The following GRIA3 variants were observed in gnomAD, a reference collection of about 807,000 sequenced individuals.
GRIA3 encodes the protein glutamate receptor 3.
Under a neutral mutation model 63.0 loss-of-function variants are expected in GRIA3, and 3 were observed. That is an observed-to-expected ratio of 0.05 (90% CI 0.02 to 0.12). The LOEUF is 0.12. Ranked by LOEUF, GRIA3 falls within the 10% of genes least tolerant of loss-of-function variation. The pLI is 1.00. For synonymous variants in GRIA3, 274 were observed against 257.9 expected (o/e 1.06, Z -0.60); for missense variants, 347 against 700.9 (o/e 0.50, Z 5.70).
At chrX:123,413,733 G>A (rs1459033553) in intron 10 of GRIA3, among the ~76,000 whole-genome samples, 2 of 110,272 alleles carry the variant, frequency 1.8e-5, no homozygotes, top group East Asian at 5.7e-4. Context: ...ACGATGAGAT[G>A]AGAGTTGAAA....
At chrX:123,448,334 T>C (rs751098562) in intron 12 of GRIA3, among the ~76,000 whole-genome samples, 1 of 111,927 alleles carries the variant, frequency 8.9e-6, no homozygotes, top group Non-Finnish European at 1.9e-5. Flanking sequence ...CAGAGCTACA[T>C]ACTAGCTCTG....
intron 2 of GRIA3, among the ~76,000 whole-genome samples, chrX:123,196,055 C>G (rs1343387925): frequency 9.0e-6 from 1 of 111,166 alleles, no homozygotes. Flanking sequence ...AGAGGTACAT[C>G]ACCATTGGTG....
chrX:123,402,955 C>T lies in GRIA3; in HGVS notation c.1081-39C>T, dbSNP rs1181001642. 6 of 729,544 alleles carry T rather than the reference C, an allele frequency of 8.2e-6. No individual in the cohort carries two copies. In the African/African-American group the frequency reaches 1.0e-4, roughly 13 times the overall value. The allele number at this position is 729,544 out of a possible 1,213,427, so 60.1% of individuals were successfully genotyped here. A position where few individuals can be genotyped will look rare whatever the true frequency, so the allele number is the denominator to read the frequency against. On this transcript the variant is annotated intron_variant, in intron 7 of 15. Coordinates refer to ENST00000620443, the MANE Select transcript of GRIA3 (RefSeq NM_007325.5). ...CCAGAGACTTAGAAGGCAATAATGC[C>T]GTGCTATTTTTAAATTTTAAATTTT...
chrX:123,287,182 G>C (rs900547924), intron 3 of GRIA3, among the ~76,000 whole-genome samples: 30 of 111,559 alleles, frequency 2.7e-4, no homozygotes, highest in African/African-American at 9.5e-4. Context: ...TATCTCAATA[G>C]ATGCAGAAAA....
At chrX:123,433,664 C>T (rs1451160772) in intron 12 of GRIA3, among the ~76,000 whole-genome samples, 1 of 111,676 alleles carries the variant, frequency 9.0e-6, no homozygotes, top group Non-Finnish European at 1.9e-5. Context: ...AAATGTTTAA[C>T]ATTAATTTAA....
At chrX:123,374,749 T>G (rs763868099) in intron 5 of GRIA3, among the ~76,000 whole-genome samples, 30 of 111,942 alleles carry the variant, frequency 2.7e-4, no homozygotes, top group Middle Eastern at 4.7e-3. Flanking sequence ...AAGGAGATTT[T>G]GGGCTGAGAT....
chrX:123,383,219 A>C (rs2147370686), intron 5 of GRIA3, among the ~76,000 whole-genome samples: 1 of 112,474 alleles, frequency 8.9e-6, no homozygotes, highest in African/African-American at 3.2e-5. Flanking sequence ...TAGAATTGTA[A>C]TGATCAAATC....
At chrX:123,268,306 C>A (rs1462925509) in intron 3 of GRIA3, among the ~76,000 whole-genome samples, 1 of 110,628 alleles carries the variant, frequency 9.0e-6, no homozygotes, top group Non-Finnish European at 1.9e-5. Context: ...TTGGTCCAGT[C>A]TCTTTTTCTC....
chrX:123,480,627 A>T (rs969390585), intron 14 of GRIA3, among the ~76,000 whole-genome samples: 8 of 112,052 alleles, frequency 7.1e-5, no homozygotes, highest in Admixed American at 6.6e-4. Flanking sequence ...TATTATGTCA[A>T]TCCCATCTGA....
chrX:123,371,253 A>AT (rs371630393), intron 5 of GRIA3, among the ~76,000 whole-genome samples: 18 of 110,221 alleles, frequency 1.6e-4, no homozygotes, highest in African/African-American at 5.6e-4. Context: ...CATTGTATAT[A>AT]TTTATCACAT....
At chrX:123,241,095 T>C (rs2044327112) in intron 2 of GRIA3, among the ~76,000 whole-genome samples, 2 of 111,728 alleles carry the variant, frequency 1.8e-5, no homozygotes, top group African/African-American at 3.3e-5. Context: ...GGGTGAAGAA[T>C]AAAGTAGCAT....
At chrX:123,359,348 G>A (rs2147352803) in intron 5 of GRIA3, among the ~76,000 whole-genome samples, 1 of 111,116 alleles carries the variant, frequency 9.0e-6, no homozygotes, top group Non-Finnish European at 1.9e-5. Flanking sequence ...CACCTCTATG[G>A]CAAAAAATTG....
chrX:123,204,549 A>T (rs773749582), intron 2 of GRIA3: 8 of 1,158,800 alleles, frequency 6.9e-6, no homozygotes, highest in Non-Finnish European at 9.2e-6. Context: ...TGCAGGTTGA[A>T]CCCAAACCCA....
At chrX:123,216,105 A>G (rs1345529452) in intron 2 of GRIA3, among the ~76,000 whole-genome samples, 1 of 112,202 alleles carries the variant, frequency 8.9e-6, no homozygotes, top group Non-Finnish European at 1.9e-5. Context: ...TGCTCATATC[A>G]TTCTCTTCTC....
At chrX:123,391,722 C>CA (rs1462564247) in intron 5 of GRIA3, among the ~76,000 whole-genome samples, 3 of 111,845 alleles carry the variant, frequency 2.7e-5, no homozygotes, top group African/African-American at 9.8e-5. Flanking sequence ...ATAGCATAGG[C>CA]AATGGTTGTA....
chrX:123,260,800 G>T (rs2044455701), intron 3 of GRIA3, among the ~76,000 whole-genome samples: 1 of 110,114 alleles, frequency 9.1e-6, no homozygotes, highest in Admixed American at 9.7e-5. Flanking sequence ...AATAATCAGG[G>T]TTGACAGTAC....
At chrX:123,427,688 A>G (rs2045597374) in intron 11 of GRIA3, among the ~76,000 whole-genome samples, 1 of 111,348 alleles carries the variant, frequency 9.0e-6, no homozygotes, top group South Asian at 3.8e-4. Flanking sequence ...TTTTTTAAAA[A>G]GAAAATCCTG....
intron 4 of GRIA3, among the ~76,000 whole-genome samples, chrX:123,340,901 C>G (rs955344224): frequency 9.0e-6 from 1 of 111,730 alleles, no homozygotes; most frequent in African/African-American, 3.3e-5. Flanking sequence ...TGTTTCCCAG[C>G]GATGAAAAAC....
rs765330966 is a variant in GRIA3 at position 123,489,899 on chromosome X, TA to T, written c.*1193del. On this transcript the variant is annotated 3_prime_UTR_variant, in exon 16 of 16. Coordinates refer to ENST00000620443, the MANE Select transcript of GRIA3 (RefSeq NM_007325.5). Reference sequence around the variant, plus strand: ...GTGTCCTTTTCTAGTTTGCAAAGACTAAAATGCATTCCCAAACCTACTGCTA... The same window carrying T: ...GTGTCCTTTTCTAGTTTGCAAAGACTAAATGCATTCCCAAACCTACTGCTA... 2.3e-4 allele frequency: 26 copies of T among 112,230 alleles called. No homozygotes were observed. Among genetic ancestry groups the T allele is most frequent in the Non-Finnish European group, 2.1e-4 (11 of 53,243 alleles). 9.2% of individuals were successfully genotyped at this position (112,230 alleles called of 1,213,427 possible). A position where few individuals can be genotyped will look rare whatever the true frequency, so the allele number is the denominator to read the frequency against.
Sources: gnomAD v4.1 joint callset for allele counts (sites outside exome capture counted in the v4.1 genomes callset) on GRCh38, gnomAD v4.1.1 for gene constraint, MANE v1.5 for transcripts, NCBI Gene and HGNC (gene_info 2026-07-23, HGNC 2026-07-21) for gene names.